WDR59: variants seen among roughly 807,000 people sequenced by gnomAD.
WDR59 encodes WD repeat domain 59.
Under a neutral mutation model 131.2 loss-of-function variants are expected in WDR59, and 100 were observed. The ratio of observed to expected loss-of-function variants is 0.76; its 90% CI spans 0.65 to 0.90. WDR59 has a LOEUF of 0.90. Ranked by LOEUF, WDR59 falls within the 40% of genes least tolerant of loss-of-function variation. WDR59 has a pLI of 0.00. For synonymous variants in WDR59, 601 were observed against 466.2 expected (o/e 1.29, Z -3.72); for missense variants, 1,203 against 1,262.2 (o/e 0.95, Z 0.71).
At chr16:74,934,053 A>G (rs2031607852) in intron 8 of WDR59, among the ~76,000 whole-genome samples, 1 of 152,202 alleles carries the variant, frequency 6.6e-6, no homozygotes, top group Non-Finnish European at 1.5e-5. Context: ...AAGGAATGAT[A>G]CTCAAAATAA....
intron 8 of WDR59, among the ~76,000 whole-genome samples, chr16:74,933,885 T>C (rs915328022): frequency 6.6e-6 from 1 of 152,108 alleles, no homozygotes; most frequent in African/African-American, 2.4e-5. Flanking sequence ...GCACCAGCCA[T>C]TTCTTATCTT....
intron 1 of WDR59, among the ~76,000 whole-genome samples, chr16:74,984,284 ATAAAT>A (rs529698995): frequency 2.6e-5 from 4 of 152,186 alleles, no homozygotes; most frequent in African/African-American, 9.7e-5. Context: ...CTCAAAAAAA[ATAAAT>A]TAAATTAAAT....
chr16:74,954,623 T>A (rs969825813), intron 3 of WDR59, among the ~76,000 whole-genome samples: 1 of 152,178 alleles, frequency 6.6e-6, no homozygotes, highest in African/African-American at 2.4e-5. Context: ...AATTACCATA[T>A]GACCCTGCAA....
In WDR59 at chr16:74,951,016, C is replaced by T. The variant is rs547744315; in HGVS notation, c.326+442G>A. 1.3e-4 allele frequency among the ~76,000 whole-genome samples: 19 copies of T among 151,690 alleles called. No homozygotes were observed. In the South Asian group the frequency reaches 3.1e-3, roughly 25 times the overall value. ...ACAAAAAAAAAAAAAAAAAATTAGC[C>T]GGGCGTGGTGGTGCACACCTATAAT... On this transcript the variant is annotated intron_variant, in intron 4 of 25. Transcript: ENST00000262144.
At chr16:74,886,953 A>C (rs1202959655) in intron 23 of WDR59, among the ~76,000 whole-genome samples, 1 of 152,126 alleles carries the variant, frequency 6.6e-6, no homozygotes, top group Non-Finnish European at 1.5e-5. Context: ...AAATAAAGCA[A>C]ATGATGGCAC....
chr16:74,922,149 G>T, intron 9 of WDR59, 46 bp from the exon 10 acceptor site: 1 of 1,604,304 alleles, frequency 6.2e-7, no homozygotes, highest in South Asian at 1.1e-5. Flanking sequence ...ATTTCAGGGA[G>T]AATCAGCTGA....
chr16:74,946,957 G>T (rs891684039), intron 6 of WDR59, among the ~76,000 whole-genome samples: 5 of 152,116 alleles, frequency 3.3e-5, no homozygotes, highest in Non-Finnish European at 5.9e-5. Context: ...CTTTTATAAA[G>T]GATGTCAAAA....
At chr16:74,927,140 T>C (rs2030896181) in intron 8 of WDR59, among the ~76,000 whole-genome samples, 1 of 152,192 alleles carries the variant, frequency 6.6e-6, no homozygotes, top group African/African-American at 2.4e-5. Context: ...TGAGCAGAAG[T>C]GTTAGCATAA....
chr16:74,906,141 G>T (rs1236810233), intron 17 of WDR59, among the ~76,000 whole-genome samples: 1 of 151,006 alleles, frequency 6.6e-6, no homozygotes, highest in Non-Finnish European at 1.5e-5. Context: ...GGTGAAACAT[G>T]GTCTCTACTA....
chr16:74,949,659 T>G, intron 5 of WDR59, 59 bp downstream of exon 5: 1 of 1,522,386 alleles, frequency 6.6e-7, no homozygotes, highest in Non-Finnish European at 9.1e-7. Context: ...ACTTGATCTC[T>G]AAAACAAAGG....
At chr16:74,971,742 G>A (rs1013320327) in intron 1 of WDR59, among the ~76,000 whole-genome samples, 2 of 152,082 alleles carry the variant, frequency 1.3e-5, no homozygotes, top group African/African-American at 4.8e-5. Context: ...CTCTAAGAAA[G>A]TGTCTCACTC....
At chr16:74,983,440 T>A (rs1478480268) in intron 1 of WDR59, among the ~76,000 whole-genome samples, 1 of 151,838 alleles carries the variant, frequency 6.6e-6, no homozygotes, top group Non-Finnish European at 1.5e-5. Flanking sequence ...GCCACTACAC[T>A]ACAGTCTGGG....
Position 74,912,206 on chromosome 16 carries a change from G to C in WDR59, c.1381C>G (p.Leu461Val). Residue 461 changes from leucine (L) to valine (V), a missense_variant, in exon 14 of 26, where the codon CTG becomes GTG. Coordinates refer to ENST00000262144, the MANE Select transcript of WDR59 (RefSeq NM_030581.4). ...TTITSTMKAK[L>V]LKILKDTALQ... ...GGAACCCAGACCCCCACCTTCAGCA[G>C]CTTAGCTTTCATGGTGGATGTGATG... The C allele has an allele frequency of 6.2e-7, 1 of 1,614,182 alleles. No homozygotes were observed. Among genetic ancestry groups the C allele is most frequent in the South Asian group, 1.1e-5 (1 of 91,086 alleles).
At chr16:74,910,342 G>C (rs11859211) in intron 14 of WDR59, among the ~76,000 whole-genome samples, 150,716 of 152,288 alleles carry the variant, frequency 0.99, 74,597 homozygotes, top group Non-Finnish European at 1. Context: ...TTAAGTCAAG[G>C]CTTCCAACAC....
intron 18 of WDR59, among the ~76,000 whole-genome samples, 195 bp downstream of exon 18, chr16:74,903,752 T>G (rs11149778): frequency 6.6e-6 from 1 of 152,078 alleles, no homozygotes; most frequent in South Asian, 2.1e-4. Flanking sequence ...AACGGCCCCC[T>G]GACCCATACA....
chr16:74,936,768 T>C (rs1480463706), intron 8 of WDR59, among the ~76,000 whole-genome samples: 1 of 151,032 alleles, frequency 6.6e-6, no homozygotes, highest in Non-Finnish European at 1.5e-5. Flanking sequence ...GAGGTTGCAG[T>C]GAGCCGAGAT....
At chr16:74,968,202 G>A (rs1428360593) in intron 1 of WDR59, among the ~76,000 whole-genome samples, 7 of 152,110 alleles carry the variant, frequency 4.6e-5, no homozygotes, top group Non-Finnish European at 2.9e-5. Context: ...TTTAGAGGAC[G>A]GGGAGACTGA....
intron 20 of WDR59, among the ~76,000 whole-genome samples, chr16:74,891,050 G>C (rs1237818233): frequency 1.3e-5 from 2 of 149,618 alleles, no homozygotes; most frequent in Admixed American, 1.4e-4. Flanking sequence ...GGAGGCAGAG[G>C]TTGCAGTGAG....
At chr16:74,889,887 C>A in intron 20 of WDR59, 72 bp from the exon 21 acceptor site, 1 of 1,178,576 alleles carries the variant, frequency 8.5e-7, no homozygotes, top group South Asian at 1.4e-5. Flanking sequence ...GCAATCCCAC[C>A]TGTCTTCCAT....
Sources: gnomAD v4.1 joint callset for allele counts (sites outside exome capture counted in the v4.1 genomes callset) on GRCh38, gnomAD v4.1.1 for gene constraint, MANE v1.5 for transcripts, NCBI Gene and HGNC (gene_info 2026-07-23, HGNC 2026-07-21) for gene names.